Variants in CNTN4 observed in about 807,000 individuals in gnomAD.
The protein encoded by CNTN4 is contactin 4.
A neutral mutation model predicts 122.5 loss-of-function variants in CNTN4; 77 were observed. That is an observed-to-expected ratio of 0.63 (90% CI 0.52 to 0.76). The LOEUF (loss-of-function observed/expected upper bound fraction) is 0.76, where lower values mean the gene tolerates loss of function less well. Among genes scored for constraint, CNTN4 ranks in the 30% least tolerant of loss-of-function variants. CNTN4 has a pLI of 0.00. For missense variants in CNTN4, 1,256 were observed against 1,259.1 expected, an observed-to-expected ratio of 1.00 and a Z score of 0.04; for synonymous variants, 512 against 447.0, an observed-to-expected ratio of 1.15 and a Z score of -1.83.
intron 6 of CNTN4, among the ~76,000 whole-genome samples, chr3:2,791,862 C>T (rs1464215187): frequency 6.6e-6 from 1 of 152,130 alleles, no homozygotes. Context: ...TCTGTCCTCA[C>T]ATTGCCTTCT....
intron 3 of CNTN4, among the ~76,000 whole-genome samples, chr3:2,446,971 T>C (rs2048648311): frequency 6.6e-6 from 1 of 152,128 alleles, no homozygotes; most frequent in Admixed American, 6.6e-5. Context: ...AAAAAATAAC[T>C]AGGGGAAGAA....
At chr3:2,411,636 CTG>C (rs2047230584) in intron 3 of CNTN4, among the ~76,000 whole-genome samples, 2 of 152,076 alleles carry the variant, frequency 1.3e-5, no homozygotes, top group African/African-American at 4.8e-5. Flanking sequence ...TCCCTGCCTG[CTG>C]CCTGCCTGCC....
chr3:2,267,027 T>C (rs751024984), intron 2 of CNTN4, among the ~76,000 whole-genome samples: 51 of 152,270 alleles, frequency 3.3e-4, no homozygotes, highest in Non-Finnish European at 6.2e-4. Context: ...GGCATAGTTA[T>C]GTCTTGTAAA....
rs934613066 is a variant in CNTN4, at chr3:2,390,215, A to T, written c.-89+50982A>T. ...ACTGTCAATGGGTTTAGGAAAAAAG[A>T]GTGTGTGTGTGTGTGTGTGTGTGTG... On this transcript the variant is annotated intron_variant, in intron 3 of 24. Transcript: ENST00000418658. Among the ~76,000 whole-genome samples, 205 of 144,876 alleles carry T rather than the reference A, an allele frequency of 1.4e-3. 1 individual carries two copies. The highest frequency in any genetic ancestry group is 4.6e-3 in the African/African-American group (180 of 39,124).
chr3:2,482,207 C>G (rs143213799), intron 3 of CNTN4, among the ~76,000 whole-genome samples: 675 of 152,226 alleles, frequency 4.4e-3, no homozygotes, highest in Non-Finnish European at 7.5e-3. Flanking sequence ...CTGAGGTCAT[C>G]TCAGATGGAG....
intron 3 of CNTN4, among the ~76,000 whole-genome samples, chr3:2,503,372 G>A (rs1451728576): frequency 1.3e-5 from 2 of 152,120 alleles, no homozygotes; most frequent in African/African-American, 2.4e-5. Context: ...GTCTTTCAAC[G>A]TTTGTCTATG....
intron 3 of CNTN4, among the ~76,000 whole-genome samples, chr3:2,384,372 C>A (rs543953289): frequency 2.6e-5 from 4 of 152,068 alleles, no homozygotes; most frequent in Non-Finnish European, 5.9e-5. Flanking sequence ...CTCATCTTAC[C>A]ATCTTACCTC....
intron 13 of CNTN4, among the ~76,000 whole-genome samples, chr3:2,987,986 C>T (rs1365343219): frequency 1.3e-5 from 2 of 152,072 alleles, no homozygotes; most frequent in African/African-American, 4.8e-5. Flanking sequence ...TTTTCGTATT[C>T]CTTATTAGCA....
chr3:2,154,799 C>G (rs771621137), intron 2 of CNTN4, among the ~76,000 whole-genome samples: 2 of 152,184 alleles, frequency 1.3e-5, no homozygotes, highest in Non-Finnish European at 2.9e-5. Context: ...TGGAATTTAA[C>G]AAACAATACA....
chr3:2,353,857 C>T (rs974069353), intron 3 of CNTN4, among the ~76,000 whole-genome samples: 6 of 152,010 alleles, frequency 3.9e-5, no homozygotes, highest in African/African-American at 1.4e-4. Context: ...CAAGATGGCG[C>T]CACCGCACTC....
chr3:3,046,360 G>C (rs1216658738), intron 23 of CNTN4, among the ~76,000 whole-genome samples: 1 of 152,168 alleles, frequency 6.6e-6, no homozygotes, highest in African/African-American at 2.4e-5. Flanking sequence ...AGGAAAAAAT[G>C]TTAAGGGCAG....
At chr3:2,534,842 GTTA>G (rs2077738633) in intron 3 of CNTN4, among the ~76,000 whole-genome samples, 42 of 133,212 alleles carry the variant, frequency 3.2e-4, no homozygotes, top group East Asian at 4.0e-4. Flanking sequence ...TGCTGTTGCT[GTTA>G]TTGTTGCTGC....
intron 5 of CNTN4, 75 bp downstream of exon 5, chr3:2,736,416 C>T (rs1248501475): frequency 5.3e-6 from 6 of 1,122,962 alleles, no homozygotes; most frequent in Admixed American, 2.3e-5. Flanking sequence ...TTATACAATG[C>T]TGGTTACATA....
Position 3,038,952 on chromosome 3 carries a change from G to A in CNTN4, c.2112G>A (p.Ala704=), listed in dbSNP as rs759314373. 1.1e-5 allele frequency: 17 copies of A among 1,613,986 alleles called. No individual in the cohort carries two copies. The highest frequency in any genetic ancestry group is 1.4e-5 in the Non-Finnish European group (16 of 1,180,004). The part of the protein sequence containing the change: ...TEEALPEVTP[A]NVSGGGGSKS... Reference sequence around the variant, plus strand: ...GTGCAGTCCCCGAAGTCACACCAGCGAATGTCAGTGGTGGCGGAGGCAGCA... The same window carrying A: ...GTGCAGTCCCCGAAGTCACACCAGCAAATGTCAGTGGTGGCGGAGGCAGCA... Residue 704 remains alanine (A), a synonymous_variant, in exon 19 of 25, where the codon GCG becomes GCA. Coordinates refer to ENST00000418658, the MANE Select transcript of CNTN4 (RefSeq NM_175607.3).
At chr3:2,813,513 A>C (rs1355973813) in intron 6 of CNTN4, among the ~76,000 whole-genome samples, 1 of 152,062 alleles carries the variant, frequency 6.6e-6, no homozygotes, top group African/African-American at 2.4e-5. Flanking sequence ...GTGGATTCTT[A>C]ACAAACTATG....
chr3:2,807,241 G>A (rs980678929), intron 6 of CNTN4, among the ~76,000 whole-genome samples: 1 of 152,138 alleles, frequency 6.6e-6, no homozygotes, highest in East Asian at 1.9e-4. Flanking sequence ...TTTAACACAC[G>A]GCAGCCTTAT....
chr3:2,159,215 T>C lies in CNTN4; in HGVS notation c.-145+58576T>C, dbSNP rs540617125. 4.6e-5 allele frequency among the ~76,000 whole-genome samples: 7 copies of C among 152,324 alleles called. No individual in the cohort carries two copies. In the South Asian group the frequency reaches 8.3e-4, roughly 18 times the overall value. ...TACTTTTGACCAGAATATTTTCATT[T>C]TCAGTATGAACACATTGCTCTCTTA... On this transcript the variant is annotated intron_variant, in intron 2 of 24. Coordinates refer to ENST00000418658, the MANE Select transcript of CNTN4 (RefSeq NM_175607.3).
At chr3:2,124,847 T>C (rs1056972777) in intron 2 of CNTN4, among the ~76,000 whole-genome samples, 4 of 152,200 alleles carry the variant, frequency 2.6e-5, no homozygotes, top group Non-Finnish European at 4.4e-5. Context: ...TGTATACAAT[T>C]TGCGGATTTT....
At chr3:3,001,126 A>G (rs1018342723) in intron 14 of CNTN4, among the ~76,000 whole-genome samples, 4 of 152,204 alleles carry the variant, frequency 2.6e-5, no homozygotes, top group African/African-American at 9.6e-5. Context: ...GCAGTTGGGC[A>G]GATGAAAATC....
Sources: allele counts gnomAD v4.1 joint callset (sites outside exome capture counted in the v4.1 genomes callset), GRCh38; gene constraint gnomAD v4.1.1; transcripts MANE v1.5; gene names NCBI Gene and HGNC (gene_info 2026-07-23, HGNC 2026-07-21).